The following PRDM11 variants were observed in gnomAD, a reference collection of about 807,000 sequenced individuals.
PRDM11 encodes the protein PR domain-containing protein 11.
A neutral mutation model predicts 97.8 loss-of-function variants in PRDM11; 20 were observed. That is an observed-to-expected ratio of 0.20 (90% CI 0.14 to 0.30). The LOEUF (loss-of-function observed/expected upper bound fraction) is 0.30. PRDM11 is among the 10% of genes least tolerant of loss of function. PRDM11 has a pLI of 1.00. For synonymous variants in PRDM11, 599 were observed against 637.7 expected (o/e 0.94, Z 0.91); for missense variants, 1,139 against 1,555.2 (o/e 0.73, Z 4.50).
intron 1 of PRDM11, among the ~76,000 whole-genome samples, chr11:45,098,059 A>C (rs1851914613): frequency 1.3e-5 from 2 of 152,244 alleles, no homozygotes; most frequent in East Asian, 3.8e-4. Flanking sequence ...AGGAGGAATT[A>C]GTCACGTGAC....
At chr11:45,161,621 C>T (rs1851929948) in intron 1 of PRDM11, among the ~76,000 whole-genome samples, 1 of 152,254 alleles carries the variant, frequency 6.6e-6, no homozygotes, top group Admixed American at 6.5e-5. Flanking sequence ...AGTCTGGGGC[C>T]AGCCTTTCCC....
rs1032184251 is a variant in PRDM11, at chr11:45,230,424, C to T, written c.*2265C>T. 14 of 152,212 alleles carry T rather than the reference C, an allele frequency of 9.2e-5. No homozygotes were observed. The highest frequency in any genetic ancestry group is 9.2e-4 in the Admixed American group (14 of 15,284). 9.4% of individuals were successfully genotyped at this position (152,212 alleles called of 1,614,324 possible). A position where few individuals can be genotyped will look rare whatever the true frequency, so the allele number is the denominator to read the frequency against. On this transcript the variant is annotated 3_prime_UTR_variant, in exon 8 of 8. Transcript: ENST00000683152. ...GGCTTTGAGATTCCCAGCCCCATTC[C>T]ACTTCCCCACTTTAAACTGATGTCT...
rs1490541181 is a variant in PRDM11 at position 45,226,780 on chromosome 11, C to T, written c.2155C>T (p.Arg719Trp). 25 of 1,533,834 alleles carry T rather than the reference C, an allele frequency of 1.6e-5. No homozygotes were observed. Among genetic ancestry groups the T allele is most frequent in the African/African-American group, 1.4e-5 (1 of 72,962 alleles). ...LDRAFSALGIRLQDEKPTVGL... is the reference protein window; with the variant it reads ...LDRAFSALGIWLQDEKPTVGL... The stretch of plus-strand genomic sequence containing the variant: ...CCGGGCCTTCTCGGCCTTGGGCATC[C>T]GGTTGCAGGATGAAAAGCCAACTGT... The change falls in exon 8 of 8, where the codon CGG becomes TGG. Residue 719 changes from arginine (R) to tryptophan (W), a missense_variant. Around this residue, in one of 2 missense-constraint regions of PRDM11, gnomAD observed 710 missense variants for 1,044.9 expected, o/e 0.68. Transcript: ENST00000683152.
chr11:45,132,072 T>G (rs1333163617), intron 1 of PRDM11, among the ~76,000 whole-genome samples: 2 of 152,260 alleles, frequency 1.3e-5, no homozygotes, highest in Non-Finnish European at 2.9e-5. Flanking sequence ...AAAGTCATTC[T>G]TGTGCATCTC....
intron 1 of PRDM11, among the ~76,000 whole-genome samples, chr11:45,135,049 G>C (rs1248645007): frequency 6.6e-6 from 1 of 151,918 alleles, no homozygotes; most frequent in Non-Finnish European, 1.5e-5. Flanking sequence ...GGGAGGCTGA[G>C]GCAGGAGGGT....
chr11:45,224,278 G>T lies in PRDM11; in HGVS notation c.804G>T (p.Arg268Ser), dbSNP rs750422588. 2 of 1,613,888 alleles carry T rather than the reference G, an allele frequency of 1.2e-6. No homozygotes were observed. The highest frequency in any genetic ancestry group is 1.7e-4 in the Middle Eastern group (1 of 6,056). Residue 268 changes from arginine (R) to serine (S), a missense_variant, in exon 7 of 8, where the codon AGG (arginine) becomes AGT (serine). Coordinates refer to ENST00000683152, the MANE Select transcript of PRDM11 (RefSeq NM_001384648.1). The part of the protein sequence containing the change: ...EQVLDNPEDL[R>S]GPIHLSVLRQ... Reference sequence around the variant, plus strand: ...TTCTGGATAACCCAGAAGACCTGAGGGGTCCCATTCATCTCTCTGTGCTGA... The same window carrying T: ...TTCTGGATAACCCAGAAGACCTGAGTGGTCCCATTCATCTCTCTGTGCTGA...
chr11:45,118,324 A>G (rs540255624), intron 1 of PRDM11, among the ~76,000 whole-genome samples: 1 of 152,362 alleles, frequency 6.6e-6, no homozygotes, highest in South Asian at 2.1e-4. Flanking sequence ...GATTAACTGT[A>G]ACAAATATAG....
At chr11:45,174,030 C>T (rs1416779372) in intron 1 of PRDM11, among the ~76,000 whole-genome samples, 1 of 152,220 alleles carries the variant, frequency 6.6e-6, no homozygotes, top group Non-Finnish European at 1.5e-5. Flanking sequence ...ACTCCTTTTC[C>T]TGCCTTTTTC....
At chr11:45,158,541 G>T (rs1590390963) in intron 1 of PRDM11, among the ~76,000 whole-genome samples, 1 of 152,232 alleles carries the variant, frequency 6.6e-6, no homozygotes, top group African/African-American at 2.4e-5. Context: ...TTGTTGAGGT[G>T]CCTTAGTTTT....
chr11:45,132,593 T>C (rs576283114), intron 1 of PRDM11, among the ~76,000 whole-genome samples: 1 of 152,242 alleles, frequency 6.6e-6, no homozygotes, highest in South Asian at 2.1e-4. Flanking sequence ...AAAGGTAGAG[T>C]AATGCTTATG....
intron 7 of PRDM11, 174 bp downstream of exon 7, chr11:45,225,017 A>G (rs1395168503): frequency 6.8e-6 from 10 of 1,463,790 alleles, no homozygotes; most frequent in Non-Finnish European, 9.0e-6. Flanking sequence ...TGGCAGACCC[A>G]TCGGCAGCTC....
chr11:45,185,051 C>T (rs1034333015), intron 4 of PRDM11, among the ~76,000 whole-genome samples: 9 of 152,110 alleles, frequency 5.9e-5, no homozygotes, highest in Non-Finnish European at 1.3e-4. Flanking sequence ...AGAGGTTCTC[C>T]AGGCCACAAT....
chr11:45,193,384 G>T (rs956268123), intron 4 of PRDM11, among the ~76,000 whole-genome samples: 6 of 152,134 alleles, frequency 3.9e-5, no homozygotes, highest in Non-Finnish European at 7.3e-5. Context: ...CAACTGTTGG[G>T]GTAAAACAAG....
intron 4 of PRDM11, among the ~76,000 whole-genome samples, chr11:45,185,308 A>G (rs2135745060): frequency 6.6e-6 from 1 of 152,344 alleles, no homozygotes; most frequent in East Asian, 1.9e-4. Context: ...GGAGACCAGG[A>G]TTACTGTAAA....
At chr11:45,123,376 T>C (rs934562171) in intron 1 of PRDM11, among the ~76,000 whole-genome samples, 6 of 152,132 alleles carry the variant, frequency 3.9e-5, no homozygotes, top group Non-Finnish European at 5.9e-5. Flanking sequence ...TTTTGGCTTT[T>C]GTTGCCATTG....
At chr11:45,153,025 G>A (rs116816527) in intron 1 of PRDM11, among the ~76,000 whole-genome samples, 22 of 152,332 alleles carry the variant, frequency 1.4e-4, no homozygotes, top group Middle Eastern at 3.4e-3. Context: ...AGAGGCTTTC[G>A]TAGTAATTGA....
upstream of PRDM11, among the ~76,000 whole-genome samples, chr11:45,146,266 C>G (rs1013613835): frequency 2.0e-5 from 3 of 152,180 alleles, no homozygotes; most frequent in Non-Finnish European, 4.4e-5. Context: ...TCGACTCCCC[C>G]CGACTATTTG....
intron 1 of PRDM11, among the ~76,000 whole-genome samples, chr11:45,172,486 A>T (rs746467260): frequency 6.6e-6 from 1 of 152,142 alleles, no homozygotes; most frequent in Non-Finnish European, 1.5e-5. Flanking sequence ...GGGGCTCCTT[A>T]TGAAGCACCA....
chr11:45,187,830 GT>G (rs1852763201), intron 4 of PRDM11, among the ~76,000 whole-genome samples: 3 of 140,296 alleles, frequency 2.1e-5, no homozygotes, highest in Non-Finnish European at 4.9e-5. Flanking sequence ...GTGTGTGTGT[GT>G]GTATGTGTGT....
Sources: gnomAD v4.1 joint callset for allele counts (sites outside exome capture counted in the v4.1 genomes callset) on GRCh38, gnomAD v4.1.1 for gene constraint, gnomAD v4.1.1 regional missense constraint, MANE v1.5 for transcripts, NCBI Gene and HGNC (gene_info 2026-07-23, HGNC 2026-07-21) for gene names.